RPS6KA5: variants seen among roughly 807,000 people sequenced by gnomAD.
RPS6KA5 encodes the protein ribosomal protein S6 kinase alpha-5.
Under a neutral mutation model 85.5 loss-of-function variants are expected in RPS6KA5, and 27 were observed. That is an observed-to-expected ratio of 0.32 (90% CI 0.23 to 0.44). The LOEUF is 0.44. Ranked by LOEUF, RPS6KA5 falls within the 20% of genes least tolerant of loss-of-function variation. The probability of loss-of-function intolerance (pLI) is 1.00; values close to 1 mark genes in which losing one functional copy is unlikely to be tolerated. For missense variants in RPS6KA5, 811 were observed against 980.9 expected (o/e 0.83, Z 2.31); for synonymous variants, 334 against 348.2 (o/e 0.96, Z 0.46).
intron 5 of RPS6KA5, among the ~76,000 whole-genome samples, chr14:90,925,448 A>C (rs185443868): frequency 6.6e-6 from 1 of 152,300 alleles, no homozygotes; most frequent in Admixed American, 6.5e-5. Flanking sequence ...TTAAATGCCT[A>C]GGCTTATGCT....
At chr14:91,053,768 C>A (rs1371267160) in intron 1 of RPS6KA5, among the ~76,000 whole-genome samples, 2 of 152,206 alleles carry the variant, frequency 1.3e-5, no homozygotes, top group African/African-American at 4.8e-5. Context: ...GATGGCAACA[C>A]TGCCAAAGTT....
At chr14:90,931,094 G>A (rs182626242) in intron 5 of RPS6KA5, among the ~76,000 whole-genome samples, 4 of 152,134 alleles carry the variant, frequency 2.6e-5, no homozygotes, top group Non-Finnish European at 4.4e-5. Flanking sequence ...GCACAACCAC[G>A]TTCACTGTAT....
At chr14:91,021,431 A>G (rs2041776878) in intron 1 of RPS6KA5, among the ~76,000 whole-genome samples, 1 of 152,120 alleles carries the variant, frequency 6.6e-6, no homozygotes, top group African/African-American at 2.4e-5. Flanking sequence ...GCTTGAGCCC[A>G]GGAGTTCAAG....
chr14:90,990,190 A>T (rs1030826863), intron 2 of RPS6KA5, among the ~76,000 whole-genome samples: 3 of 152,200 alleles, frequency 2.0e-5, no homozygotes, highest in African/African-American at 7.2e-5. Context: ...AGCAAAAAAC[A>T]AACGATCCCA....
chr14:90,952,030 C>T (rs1479857378), intron 3 of RPS6KA5, among the ~76,000 whole-genome samples: 3 of 152,106 alleles, frequency 2.0e-5, no homozygotes, highest in African/African-American at 7.2e-5. Flanking sequence ...TTCTTCTCAA[C>T]CCAGGTATGC....
chr14:91,037,660 G>T (rs1595529087), intron 1 of RPS6KA5, among the ~76,000 whole-genome samples: 1 of 114,540 alleles, frequency 8.7e-6, no homozygotes, highest in African/African-American at 3.2e-5. Flanking sequence ...CTCTGCCAAA[G>T]AAGTTCTTGC....
chr14:90,954,540 A>G (rs1192556455), intron 3 of RPS6KA5, among the ~76,000 whole-genome samples: 1 of 152,170 alleles, frequency 6.6e-6, no homozygotes, highest in Non-Finnish European at 1.5e-5. Context: ...CAGCATCCCA[A>G]GTAGCTGGGC....
intron 1 of RPS6KA5, among the ~76,000 whole-genome samples, chr14:91,056,590 A>C (rs1335540177): frequency 6.6e-6 from 1 of 152,306 alleles, no homozygotes; most frequent in East Asian, 1.9e-4. Flanking sequence ...GACAATGCTA[A>C]GTTTCTGCTT....
At chr14:90,907,114 A>C (rs114441808) in intron 7 of RPS6KA5, among the ~76,000 whole-genome samples, 14 of 152,346 alleles carry the variant, frequency 9.2e-5, no homozygotes, top group African/African-American at 3.4e-4. Context: ...TTTAGTAAGA[A>C]ATATTAAAAG....
At chr14:91,019,423 G>A (rs187038080) in intron 1 of RPS6KA5, among the ~76,000 whole-genome samples, 1 of 152,242 alleles carries the variant, frequency 6.6e-6, no homozygotes, top group East Asian at 1.9e-4. Context: ...ACAGTCTTCA[G>A]ACTTTATATG....
At chr14:90,939,618 G>A (rs1192388474) in intron 5 of RPS6KA5, among the ~76,000 whole-genome samples, 2 of 152,198 alleles carry the variant, frequency 1.3e-5, no homozygotes, top group Non-Finnish European at 2.9e-5. Context: ...GATAGCAGGA[G>A]ACAAAGAGAG....
intron 1 of RPS6KA5, among the ~76,000 whole-genome samples, chr14:91,007,092 T>A (rs1252512388): frequency 6.6e-6 from 1 of 152,180 alleles, no homozygotes; most frequent in Non-Finnish European, 1.5e-5. Flanking sequence ...TGCAGATGGA[T>A]CACTCATGAC....
intron 5 of RPS6KA5, among the ~76,000 whole-genome samples, chr14:90,930,462 T>C (rs1321948395): frequency 6.6e-6 from 1 of 152,162 alleles, no homozygotes; most frequent in African/African-American, 2.4e-5. Context: ...GGGAAAAGCT[T>C]CATGACATTG....
intron 2 of RPS6KA5, among the ~76,000 whole-genome samples, chr14:90,991,873 A>C (rs1310737362): frequency 6.6e-6 from 1 of 152,152 alleles, no homozygotes; most frequent in Non-Finnish European, 1.5e-5. Flanking sequence ...TGAGTAAAAA[A>C]GAGTTTTATG....
chr14:91,036,656 T>C (rs1055658461), intron 1 of RPS6KA5, among the ~76,000 whole-genome samples: 9 of 152,168 alleles, frequency 5.9e-5, no homozygotes, highest in African/African-American at 2.2e-4. Flanking sequence ...AAAAGCTACC[T>C]TTATCGAGGT....
chr14:90,923,000 A>C, intron 6 of RPS6KA5, 113 bp downstream of exon 6: 1 of 705,536 alleles, frequency 1.4e-6, no homozygotes, highest in Non-Finnish European at 2.4e-6. Context: ...GGAAGGTAAG[A>C]CAATCAACAC....
chr14:90,978,093 G>A (rs2039643793), intron 3 of RPS6KA5, among the ~76,000 whole-genome samples: 1 of 152,014 alleles, frequency 6.6e-6, no homozygotes, highest in Non-Finnish European at 1.5e-5. Context: ...AAAGAGTGTG[G>A]AATAGAAGGA....
In RPS6KA5 at chr14:90,916,739, G is replaced by T. The variant is rs112121532; in HGVS notation, c.806+3467C>A. ...TACAGGTTGACACCATGACAAAGTG[G>T]ATAATTAATTGATTAAAGGGAAGGA... On this transcript the variant is annotated intron_variant, in intron 7 of 16. Transcript: ENST00000614987. Among the ~76,000 whole-genome samples the T allele has an allele frequency of 4.8e-3, 724 of 152,160 alleles. 7 individuals carry two copies. Among genetic ancestry groups the T allele is most frequent in the African/African-American group, 0.017 (687 of 41,498 alleles).
chr14:90,929,723 T>C (rs2036870205), intron 5 of RPS6KA5, among the ~76,000 whole-genome samples: 2 of 152,072 alleles, frequency 1.3e-5, no homozygotes, highest in African/African-American at 2.4e-5. Context: ...CCACAATTCA[T>C]GTGGAGGAAC....
Sources: allele counts gnomAD v4.1 joint callset (sites outside exome capture counted in the v4.1 genomes callset), GRCh38; gene constraint gnomAD v4.1.1; transcripts MANE v1.5; gene names NCBI Gene and HGNC (gene_info 2026-07-23, HGNC 2026-07-21).